KIF1A: variants seen among roughly 807,000 people sequenced by gnomAD.
KIF1A encodes kinesin family member 1A.
A neutral mutation model predicts 227.3 loss-of-function variants in KIF1A; 46 were observed. The ratio of observed to expected loss-of-function variants is 0.20; its 90% CI spans 0.16 to 0.26. The LOEUF (loss-of-function observed/expected upper bound fraction) is 0.26. Among genes scored for constraint, KIF1A ranks in the 10% least tolerant of loss-of-function variants. The pLI is 1.00. For missense variants in KIF1A, 1,683 were observed against 2,485.9 expected (o/e 0.68, Z 6.87); for synonymous variants, 1,022 against 1,012.8 (o/e 1.01, Z -0.17).
Position 240,719,060 on chromosome 2 carries a change from G to A in KIF1A, c.5160C>T (p.Leu1720=), listed in dbSNP as rs1236990544. 6.2e-7 allele frequency: 1 copy of A among 1,612,444 alleles called. No individual in the cohort carries two copies. The highest frequency in any genetic ancestry group is 8.5e-7 in the Non-Finnish European group (1 of 1,179,732). The change falls in exon 47 of 49, where the codon CTC becomes CTT. Residue 1720 remains leucine, a synonymous_variant. Transcript: ENST00000498729. The part of the protein sequence containing the change: ...SDKDTVERFV[L]NLATAQVEYS... ...ACTCCACCTGGGCAGTGGCCAGGTTGAGCACGAACCGCTCCACGGTGTCCT... is the reference window on the plus strand; with the variant it reads ...ACTCCACCTGGGCAGTGGCCAGGTTAAGCACGAACCGCTCCACGGTGTCCT...
At chr2:240,746,371 T>C (rs2048600902) in intron 29 of KIF1A, among the ~76,000 whole-genome samples, 194 bp from the exon 30 acceptor site, 1 of 152,190 alleles carries the variant, frequency 6.6e-6, no homozygotes, top group South Asian at 2.1e-4. Context: ...TTCCCTGCTG[T>C]GGATGTGTGT....
At chr2:240,732,363 A>AAATGAAGGGAAGAGGGGCGGAGGG in intron 38 of KIF1A, among the ~76,000 whole-genome samples, 1 of 126,000 alleles carries the variant, frequency 7.9e-6, no homozygotes, top group South Asian at 3.0e-4. Flanking sequence ...GGGGAGGAAA[A>AAATGAAGGGAAGAGGGGCGGAGGG]AATGAAGGGA....
chr2:240,758,017 T>C lies in KIF1A; in HGVS notation c.2582+343A>G, dbSNP rs969157785. ...CTCAGGTGACACAGCCCTGCCTCCA[T>C]GTTCCCACCCTCAGGACCAACAGGT... On this transcript the variant is annotated intron_variant, in intron 26 of 48. Coordinates refer to ENST00000498729, the MANE Select transcript of KIF1A (RefSeq NM_001244008.2). This position sits in a 1 kb window ranked among gnomAD's most constrained non-coding sequence, Gnocchi z 5.2. Among the ~76,000 whole-genome samples, 6 of 152,210 alleles carry C rather than the reference T, an allele frequency of 3.9e-5. No homozygotes were observed. The highest frequency in any genetic ancestry group is 2.9e-5 in the Non-Finnish European group (2 of 68,034).
chr2:240,782,017 C>G (rs1011617863), intron 10 of KIF1A: 5 of 985,330 alleles, frequency 5.1e-6, no homozygotes, highest in Admixed American at 1.2e-4. Context: ...GGCGCCCGCC[C>G]TGTCTCACGC....
chr2:240,786,704 A>C, intron 5 of KIF1A, among the ~76,000 whole-genome samples, 191 bp from the exon 6 acceptor site: 1 of 124,752 alleles, frequency 8.0e-6, no homozygotes, highest in African/African-American at 3.0e-5. Context: ...GGGAGCCAGC[A>C]TCAGGACCCC....
intron 6 of KIF1A, among the ~76,000 whole-genome samples, chr2:240,785,363 T>C (rs1327661163): frequency 6.6e-6 from 1 of 152,220 alleles, no homozygotes; most frequent in Non-Finnish European, 1.5e-5. Context: ...TTCCCACTCC[T>C]GGGCACAGAG....
intron 45 of KIF1A, chr2:240,720,268 A>C: frequency 5.4e-5 from 11 of 202,450 alleles, no homozygotes; most frequent in Non-Finnish European, 6.9e-5. Context: ...CATCTCCACA[A>C]CTAGACTGAA....
At chr2:240,787,158 TG>T in intron 5 of KIF1A, 92 bp downstream of exon 5, 1 of 1,031,134 alleles carries the variant, frequency 9.7e-7, no homozygotes, top group Non-Finnish European at 1.5e-6. Flanking sequence ...TGCAGACCCG[TG>T]GTGGGCACTC....
chr2:240,756,221 T>C (rs976373908), intron 27 of KIF1A, among the ~76,000 whole-genome samples: 1 of 152,168 alleles, frequency 6.6e-6, no homozygotes, highest in Non-Finnish European at 1.5e-5. Context: ...CTCCAGACTT[T>C]TGAAAACTTC....
chr2:240,813,916 T>C (rs775400574), intron 1 of KIF1A, among the ~76,000 whole-genome samples: 3 of 151,754 alleles, frequency 2.0e-5, no homozygotes, highest in Non-Finnish European at 2.9e-5. Flanking sequence ...ACCCGGGAGA[T>C]TCAAGAAGAT....
intron 20 of KIF1A, among the ~76,000 whole-genome samples, chr2:240,764,991 C>T (rs2050981766): frequency 6.6e-6 from 1 of 152,234 alleles, no homozygotes; most frequent in Admixed American, 6.5e-5. Context: ...TGACCAGCCC[C>T]ACCATCTGAT....
At chr2:240,727,316 G>C (rs1332616854) in intron 38 of KIF1A, among the ~76,000 whole-genome samples, 1 of 152,168 alleles carries the variant, frequency 6.6e-6, no homozygotes, top group Non-Finnish European at 1.5e-5. Context: ...ACAGGGAAGG[G>C]AGAGGGGAGG....
At chr2:240,728,611 G>A (rs538217083) in intron 38 of KIF1A, among the ~76,000 whole-genome samples, 5 of 152,362 alleles carry the variant, frequency 3.3e-5, no homozygotes, top group African/African-American at 1.2e-4. Context: ...TGGCCCTGCA[G>A]ACACCCCCTT....
At chr2:240,738,081 A>T (rs770365425) in intron 37 of KIF1A, among the ~76,000 whole-genome samples, 7 of 152,202 alleles carry the variant, frequency 4.6e-5, no homozygotes, top group Non-Finnish European at 8.8e-5. Flanking sequence ...GGCAGTGCCC[A>T]TGGCAGGGAA....
intron 27 of KIF1A, among the ~76,000 whole-genome samples, chr2:240,753,733 C>T (rs1292548367): frequency 6.6e-6 from 1 of 152,210 alleles, no homozygotes; most frequent in Non-Finnish European, 1.5e-5. Flanking sequence ...CAGCTGCACC[C>T]TTCTTTCTTA....
chr2:240,815,041 G>C (rs1309538968), intron 1 of KIF1A, among the ~76,000 whole-genome samples: 1 of 152,224 alleles, frequency 6.6e-6, no homozygotes, highest in Non-Finnish European at 1.5e-5. Context: ...TCTGGTCTGC[G>C]CCTAGCCCAC....
At chr2:240,735,725 AG>A (rs1441811995) in intron 38 of KIF1A, among the ~76,000 whole-genome samples, 6 of 152,172 alleles carry the variant, frequency 3.9e-5, no homozygotes, top group Admixed American at 3.9e-4. Context: ...ACACCTCACC[AG>A]GGAGCATTCT....
intron 29 of KIF1A, 44 bp downstream of exon 29, chr2:240,747,192 C>A: frequency 6.8e-7 from 1 of 1,472,948 alleles, no homozygotes; most frequent in East Asian, 2.3e-5. Context: ...CTCCAGTGAG[C>A]GCCAGGCACC....
intron 2 of KIF1A, among the ~76,000 whole-genome samples, 164 bp downstream of exon 2, chr2:240,797,483 G>T (rs978349368): frequency 9.2e-5 from 14 of 152,234 alleles, no homozygotes; most frequent in Admixed American, 2.6e-4. Flanking sequence ...ACCACCGTTG[G>T]TGGCAGTTTG....
Sources: gnomAD v4.1 joint callset for allele counts (sites outside exome capture counted in the v4.1 genomes callset) on GRCh38, gnomAD v4.1.1 for gene constraint, Gnocchi (gnomAD v3.1) non-coding constraint, MANE v1.5 for transcripts, NCBI Gene and HGNC (gene_info 2026-07-23, HGNC 2026-07-21) for gene names.